The following C8orf34 variants were observed in gnomAD, a reference collection of about 807,000 sequenced individuals.
C8orf34 encodes the protein chromosome 8 open reading frame 34, also known as uncharacterized protein C8orf34.
C8orf34 carries 65 observed loss-of-function variants against 68.3 expected under a neutral mutation model. The observed-to-expected ratio is 0.95, with a 90% confidence interval of 0.78 to 1.17. C8orf34 has a LOEUF of 1.17. Among genes scored for constraint, C8orf34 ranks in the 50% most tolerant of loss-of-function variants. The probability of loss-of-function intolerance (pLI) is 0.00; values close to 1 mark genes in which losing one functional copy is unlikely to be tolerated. For missense variants in C8orf34, 664 were observed against 655.4 expected, an observed-to-expected ratio of 1.01 and a Z score of -0.14; for synonymous variants, 244 against 241.2, an observed-to-expected ratio of 1.01 and a Z score of -0.11.
rs1267013521 is a variant in C8orf34, at chr8:68,748,796, A to C, written c.1404+27359A>C. ...ACTTCTACACTGTTGGTGGGACTGTAAACTAGTTAAACCATTGTGGAAGTC... is the reference window on the plus strand; with the variant it reads ...ACTTCTACACTGTTGGTGGGACTGTCAACTAGTTAAACCATTGTGGAAGTC... On this transcript the variant is annotated intron_variant, in intron 10 of 13. Transcript: ENST00000518698. 3.9e-3 allele frequency among the ~76,000 whole-genome samples: 588 copies of C among 151,932 alleles called. 4 individuals carry two copies. Among genetic ancestry groups the C allele is most frequent in the African/African-American group, 0.013 (531 of 41,184 alleles).
chr8:68,437,763 A>T (rs945101061), intron 1 of C8orf34: 11 of 152,174 alleles, frequency 7.2e-5, no homozygotes, highest in African/African-American at 2.4e-4. Context: ...AATATCTTGC[A>T]TCATAATGTA....
chr8:68,768,275 G>T (rs1823238115), intron 10 of C8orf34, among the ~76,000 whole-genome samples: 1 of 152,056 alleles, frequency 6.6e-6, no homozygotes, highest in African/African-American at 2.4e-5. Context: ...AGCTTACATT[G>T]TATATTTCCT....
At chr8:68,330,528 G>C (rs190669270), upstream of C8orf34, among the ~76,000 whole-genome samples, 1 of 152,254 alleles carries the variant, frequency 6.6e-6, no homozygotes, top group African/African-American at 2.4e-5. Flanking sequence ...CAACCCCTGC[G>C]CTAGAGTAGG....
intron 11 of C8orf34, among the ~76,000 whole-genome samples, chr8:68,779,543 G>T (rs1823616843): frequency 6.6e-6 from 1 of 152,126 alleles, no homozygotes; most frequent in African/African-American, 2.4e-5. Context: ...AATCTGTTGA[G>T]GTTGGCTTTG....
intron 12 of C8orf34, among the ~76,000 whole-genome samples, chr8:68,788,302 A>C (rs2129529031): frequency 6.6e-6 from 1 of 152,362 alleles, no homozygotes; most frequent in Non-Finnish European, 1.5e-5. Flanking sequence ...TTACATAGGT[A>C]GCATTATAAT....
chr8:68,773,762 C>G (rs1302555868), intron 10 of C8orf34, among the ~76,000 whole-genome samples: 1 of 152,040 alleles, frequency 6.6e-6, no homozygotes, highest in Non-Finnish European at 1.5e-5. Context: ...GCAGTTACAA[C>G]CAAACTCCCG....
At chr8:68,709,223 CT>C in intron 9 of C8orf34, 144 bp downstream of exon 9, 1 of 655,018 alleles carries the variant, frequency 1.5e-6, no homozygotes, top group Non-Finnish European at 2.7e-6. Flanking sequence ...TGGCACACTC[CT>C]TGGGGCTGTT....
intron 1 of C8orf34, among the ~76,000 whole-genome samples, chr8:68,416,865 T>G: frequency 6.6e-6 from 1 of 152,258 alleles, no homozygotes; most frequent in East Asian, 1.9e-4. Flanking sequence ...GTCTATTATC[T>G]GTAAATATTT....
chr8:68,818,664 T>A lies in C8orf34; in HGVS notation c.*418T>A, dbSNP rs1259932370. The stretch of plus-strand genomic sequence containing the variant: ...TTTAGATTACTAAACATTCTACTTA[T>A]CCACATGTGCCAAGATGTGCCATTT... On this transcript the variant is annotated 3_prime_UTR_variant, in exon 14 of 14. Transcript: ENST00000518698. The A allele has an allele frequency of 6.4e-6, 1 of 156,932 alleles. No homozygotes were observed. The highest frequency in any genetic ancestry group is 2.4e-5 in the African/African-American group (1 of 41,566). The allele number at this position is 156,932 out of a possible 1,614,324, so 9.7% of individuals were successfully genotyped here. A position where few individuals can be genotyped will look rare whatever the true frequency, so the allele number is the denominator to read the frequency against.
At chr8:68,523,856 C>T (rs1814862118) in intron 6 of C8orf34, among the ~76,000 whole-genome samples, 2 of 152,084 alleles carry the variant, frequency 1.3e-5, no homozygotes, top group Admixed American at 1.3e-4. Context: ...ACTTTAATGA[C>T]CAACTGACAA....
chr8:68,505,098 C>T (rs1017307128), intron 5 of C8orf34, among the ~76,000 whole-genome samples: 1 of 152,084 alleles, frequency 6.6e-6, no homozygotes, highest in African/African-American at 2.4e-5. Flanking sequence ...AGCCACCATG[C>T]CTAGCCCCAA....
At chr8:68,451,995 T>C (rs1394022218) in intron 3 of C8orf34, among the ~76,000 whole-genome samples, 2 of 152,036 alleles carry the variant, frequency 1.3e-5, no homozygotes, top group Non-Finnish European at 2.9e-5. Flanking sequence ...CTCTGACTTA[T>C]TTACTTAGCA....
chr8:68,504,114 C>G (rs980584921), intron 5 of C8orf34, among the ~76,000 whole-genome samples: 1 of 152,136 alleles, frequency 6.6e-6, no homozygotes, highest in Non-Finnish European at 1.5e-5. Context: ...CAGCCCTAGA[C>G]GACCACTAAT....
At chr8:68,369,878 C>A (rs966822674) in intron 1 of C8orf34, among the ~76,000 whole-genome samples, 2 of 152,182 alleles carry the variant, frequency 1.3e-5, no homozygotes, top group Non-Finnish European at 2.9e-5. Context: ...AAGGGTTGAG[C>A]ACTAGAGCAG....
chr8:68,526,686 C>CAA lies in C8orf34; in HGVS notation c.938+4728_938+4729dup, dbSNP rs370357862. Among the ~76,000 whole-genome samples, 986 of 133,224 alleles carry CAA rather than the reference C, an allele frequency of 7.4e-3. 24 individuals are homozygous for CAA. The highest frequency in any genetic ancestry group is 0.024 in the African/African-American group (873 of 36,518). The allele number at this position is 133,224 out of a possible 152,430, so 87.4% of individuals were successfully genotyped here. A position where few individuals can be genotyped will look rare whatever the true frequency, so the allele number is the denominator to read the frequency against. On this transcript the variant is annotated intron_variant, in intron 6 of 13. Coordinates refer to ENST00000518698, the MANE Select transcript of C8orf34 (RefSeq NM_052958.4). ...GCACCCTTTAATTAATGACTGGAGT[C>CAA]AAAAAAAAAAAAAAGGACACAGGTT...
At position 68,701,968 on chromosome 8, in the gene C8orf34, C is replaced by T. The variant is rs1039486243; in HGVS notation, c.1242-7026C>T. Among the ~76,000 whole-genome samples the T allele has an allele frequency of 3.3e-5, 5 of 152,146 alleles. No homozygotes were observed. In the East Asian group the frequency reaches 9.7e-4, roughly 30 times the overall value. On this transcript the variant is annotated intron_variant, in intron 8 of 13. Coordinates refer to ENST00000518698, the MANE Select transcript of C8orf34 (RefSeq NM_052958.4). ...ACAGATCACCTTCAGGGAAGGCCTT[C>T]CCCAGACACACACTATGAAGTTGTA...
chr8:68,720,982 C>T (rs1441850206), intron 9 of C8orf34, among the ~76,000 whole-genome samples: 1 of 151,666 alleles, frequency 6.6e-6, no homozygotes, highest in African/African-American at 2.4e-5. Flanking sequence ...TTGTGTAACC[C>T]CCCAAAAGGA....
chr8:68,456,610 C>T (rs1811563260), intron 3 of C8orf34, among the ~76,000 whole-genome samples: 1 of 152,168 alleles, frequency 6.6e-6, no homozygotes. Context: ...AAAAATAGCA[C>T]TTATACAATT....
intron 8 of C8orf34, among the ~76,000 whole-genome samples, chr8:68,675,422 G>C (rs1820153996): frequency 6.6e-6 from 1 of 152,064 alleles, no homozygotes; most frequent in Non-Finnish European, 1.5e-5. Context: ...AAAGTGGAGA[G>C]ACAAAGTTAA....
Sources: gnomAD v4.1 joint callset for allele counts (sites outside exome capture counted in the v4.1 genomes callset) on GRCh38, gnomAD v4.1.1 for gene constraint, MANE v1.5 for transcripts, NCBI Gene and HGNC (gene_info 2026-07-23, HGNC 2026-07-21) for gene names.